FHIT: variants seen among roughly 807,000 people sequenced by gnomAD.
FHIT encodes the protein fragile histidine triad diadenosine triphosphatase.
FHIT carries 19 observed loss-of-function variants against 17.9 expected under a neutral mutation model. That is an observed-to-expected ratio of 1.06 (90% CI 0.74 to 1.56). FHIT has a LOEUF of 1.56. Among genes scored for constraint, FHIT ranks in the 40% most tolerant of loss-of-function variants. FHIT has a pLI of 0.00. For synonymous variants in FHIT, 81 were observed against 69.7 expected (o/e 1.16, Z -0.81); for missense variants, 248 against 189.2 (o/e 1.31, Z -1.82).
chr3:60,023,280 G>A (rs1037035191), intron 5 of FHIT, among the ~76,000 whole-genome samples: 2 of 152,182 alleles, frequency 1.3e-5, no homozygotes, highest in Non-Finnish European at 1.5e-5. Flanking sequence ...CTAAAAATCT[G>A]CAATTCATTG....
At chr3:59,892,904 C>T (rs987300963) in intron 8 of FHIT, among the ~76,000 whole-genome samples, 3 of 152,164 alleles carry the variant, frequency 2.0e-5, no homozygotes, top group East Asian at 1.9e-4. Flanking sequence ...CCTTGAAAAG[C>T]GTTTTCATAC....
intron 3 of FHIT, among the ~76,000 whole-genome samples, chr3:60,883,091 G>C (rs543725911): frequency 6.6e-6 from 1 of 151,864 alleles, no homozygotes; most frequent in South Asian, 2.1e-4. Flanking sequence ...AAAAAATAAA[G>C]CAAGAAAGCA....
chr3:60,562,930 G>C (rs1318354202), intron 4 of FHIT, among the ~76,000 whole-genome samples: 1 of 152,170 alleles, frequency 6.6e-6, no homozygotes, highest in Non-Finnish European at 1.5e-5. Flanking sequence ...TAAATAAAGG[G>C]AAGAACAAGT....
intron 2 of FHIT, among the ~76,000 whole-genome samples, chr3:61,187,350 G>T (rs957436131): frequency 2.0e-5 from 3 of 152,136 alleles, no homozygotes; most frequent in African/African-American, 7.2e-5. Context: ...TTACACCATG[G>T]TAAAGGGATG....
intron 3 of FHIT, among the ~76,000 whole-genome samples, chr3:61,007,060 A>G (rs560460700): frequency 1.3e-5 from 2 of 152,326 alleles, no homozygotes; most frequent in South Asian, 2.1e-4. Flanking sequence ...AAAGCTTATC[A>G]TAGAAAAGTC....
intron 2 of FHIT, among the ~76,000 whole-genome samples, chr3:61,105,199 T>C (rs1048501831): frequency 6.6e-6 from 1 of 152,078 alleles, no homozygotes; most frequent in African/African-American, 2.4e-5. Context: ...TTTGTGGGCT[T>C]ATCTACCTTT....
intron 2 of FHIT, among the ~76,000 whole-genome samples, chr3:61,055,088 T>TTTTG (rs145562388): frequency 3.1e-4 from 47 of 151,854 alleles, no homozygotes; most frequent in African/African-American, 7.7e-4. Flanking sequence ...TGTTAGTATC[T>TTTTG]TTTGTTTGTT....
intron 4 of FHIT, among the ~76,000 whole-genome samples, chr3:60,800,910 A>C (rs1361952233): frequency 6.6e-6 from 1 of 152,132 alleles, no homozygotes; most frequent in Non-Finnish European, 1.5e-5. Context: ...ATAGAGGGTT[A>C]ATTCTCCTGA....
At chr3:60,327,885 C>T (rs6792218) in intron 5 of FHIT, among the ~76,000 whole-genome samples, 13,602 of 151,978 alleles carry the variant, frequency 0.089, 1,996 homozygotes, top group African/African-American at 0.31. Context: ...GCGAAGGAAA[C>T]AAGAAGGGAG....
intron 5 of FHIT, among the ~76,000 whole-genome samples, chr3:60,015,090 C>T (rs774587983): frequency 6.6e-5 from 10 of 151,988 alleles, no homozygotes; most frequent in African/African-American, 9.7e-5. Context: ...AACTCTTGTA[C>T]GTTTTTCTGT....
chr3:60,279,316 CAA>C (rs1707315725), intron 5 of FHIT, among the ~76,000 whole-genome samples: 1 of 152,102 alleles, frequency 6.6e-6, no homozygotes, highest in South Asian at 2.1e-4. Flanking sequence ...TTAAAAGAAA[CAA>C]ACTACCAAAA....
chr3:60,549,053 A>G (rs143129113), intron 4 of FHIT, among the ~76,000 whole-genome samples: 1 of 152,302 alleles, frequency 6.6e-6, no homozygotes, highest in African/African-American at 2.4e-5. Context: ...TAAATATTTG[A>G]TAAGTGCTAG....
intron 5 of FHIT, among the ~76,000 whole-genome samples, chr3:60,081,189 C>G (rs540610027): frequency 6.6e-6 from 1 of 152,192 alleles, no homozygotes; most frequent in East Asian, 1.9e-4. Context: ...AATGCAGATT[C>G]CTGGGCTCTG....
chr3:60,825,181 G>A (rs1283574187), intron 3 of FHIT, among the ~76,000 whole-genome samples: 2 of 151,968 alleles, frequency 1.3e-5, no homozygotes, highest in East Asian at 1.9e-4. Flanking sequence ...CATATGCCAC[G>A]GCATAGTAAC....
chr3:60,352,224 T>C (rs1310618136), intron 5 of FHIT, among the ~76,000 whole-genome samples: 4 of 152,160 alleles, frequency 2.6e-5, no homozygotes. Context: ...GAGGCAACAA[T>C]AAGCTTGGAT....
At chr3:60,451,531 C>T (rs1036647354) in intron 5 of FHIT, among the ~76,000 whole-genome samples, 4 of 152,072 alleles carry the variant, frequency 2.6e-5, no homozygotes, top group South Asian at 4.1e-4. Context: ...ACTTTTGGTG[C>T]TATTTTCCAG....
rs536066332 is a variant in FHIT, at chr3:60,401,408, C to T, written c.103+135452G>A. 1.6e-4 allele frequency among the ~76,000 whole-genome samples: 25 copies of T among 152,206 alleles called. No individual in the cohort carries two copies. The South Asian group carries it at 3.7e-3, about 23-fold the overall frequency. On this transcript the variant is annotated intron_variant, in intron 5 of 9. Coordinates refer to ENST00000492590, the MANE Select transcript of FHIT (RefSeq NM_002012.4). ...TGATCCTCTGACTTACTGTTAGGTT[C>T]GGCCAGTGAGAATTATCTGCAACAG... is the stretch of plus-strand genomic sequence containing the variant.
chr3:59,847,855 T>C (rs979710610), intron 8 of FHIT, among the ~76,000 whole-genome samples: 3 of 152,124 alleles, frequency 2.0e-5, no homozygotes, highest in Non-Finnish European at 4.4e-5. Flanking sequence ...ACATGCACAG[T>C]AGCTATCTAA....
chr3:60,026,609 T>G (rs1338788601), intron 5 of FHIT, among the ~76,000 whole-genome samples: 1 of 152,192 alleles, frequency 6.6e-6, no homozygotes, highest in African/African-American at 2.4e-5. Context: ...AGTCTTCCTC[T>G]CCAGTTCTAA....
Sources: gnomAD v4.1 joint callset for allele counts (sites outside exome capture counted in the v4.1 genomes callset) on GRCh38, gnomAD v4.1.1 for gene constraint, MANE v1.5 for transcripts, NCBI Gene and HGNC (gene_info 2026-07-23, HGNC 2026-07-21) for gene names.